Variants in FHIT observed in about 807,000 individuals in gnomAD.
FHIT encodes bis(5'-adenosyl)-triphosphatase.
Under a neutral mutation model 17.9 loss-of-function variants are expected in FHIT, and 19 were observed. The ratio of observed to expected loss-of-function variants is 1.06; its 90% CI spans 0.74 to 1.56. FHIT has a LOEUF of 1.56. FHIT is among the 40% of genes most tolerant of loss of function. The pLI, the probability that FHIT is intolerant of heterozygous loss-of-function variation, is 0.00. For synonymous variants in FHIT, 81 were observed against 69.7 expected (o/e 1.16, Z -0.81); for missense variants, 248 against 189.2 (o/e 1.31, Z -1.82).
At chr3:61,097,441 A>C (rs934537157) in intron 2 of FHIT, among the ~76,000 whole-genome samples, 3 of 152,210 alleles carry the variant, frequency 2.0e-5, no homozygotes, top group Non-Finnish European at 2.9e-5. Context: ...AGAATGATTT[A>C]TATTCCTTTG....
At chr3:60,970,076 G>A (rs368574177) in intron 3 of FHIT, among the ~76,000 whole-genome samples, 10 of 151,984 alleles carry the variant, frequency 6.6e-5, no homozygotes, top group African/African-American at 1.2e-4. Context: ...TGCCTGCCTC[G>A]GCCTCCCAAA....
rs146016003 is a variant in FHIT, at chr3:59,949,883, A to T, written c.280-27469T>A. Among the ~76,000 whole-genome samples, 12 of 152,354 alleles carry T rather than the reference A, an allele frequency of 7.9e-5. No individual in the cohort carries two copies. The East Asian group carries it at 2.3e-3, about 29-fold the overall frequency. Reference sequence around the variant, plus strand: ...CAGGGTATGACTTTGCATTAAACAAACAGCTATCCTCCTTACAAATCACAA... The same window carrying T: ...CAGGGTATGACTTTGCATTAAACAATCAGCTATCCTCCTTACAAATCACAA... On this transcript the variant is annotated intron_variant, in intron 7 of 9. Transcript: ENST00000492590.
At chr3:60,186,268 T>A (rs1435634418) in intron 5 of FHIT, among the ~76,000 whole-genome samples, 1 of 152,160 alleles carries the variant, frequency 6.6e-6, no homozygotes, top group Non-Finnish European at 1.5e-5. Flanking sequence ...ATTTCACATT[T>A]AGGTCTATTA....
chr3:60,854,555 A>ATTTTTTTTTTTT (rs35428632), intron 3 of FHIT, among the ~76,000 whole-genome samples: 1 of 138,510 alleles, frequency 7.2e-6, no homozygotes, highest in Non-Finnish European at 1.5e-5. Context: ...GCCTACTTCT[A>ATTTTTTTTTTTT]TTTTTTTTTT....
At chr3:60,291,403 C>A (rs763898924) in intron 5 of FHIT, among the ~76,000 whole-genome samples, 2 of 151,946 alleles carry the variant, frequency 1.3e-5, no homozygotes, top group Non-Finnish European at 2.9e-5. Context: ...CTGTCACGTC[C>A]TCTATCTGAG....
At chr3:60,278,042 C>A (rs562299764) in intron 5 of FHIT, among the ~76,000 whole-genome samples, 1 of 152,094 alleles carries the variant, frequency 6.6e-6, no homozygotes. Context: ...ATCATAAGAT[C>A]AGATTACCTA....
intron 5 of FHIT, among the ~76,000 whole-genome samples, chr3:60,352,015 C>T (rs982161960): frequency 1.3e-5 from 2 of 152,180 alleles, no homozygotes; most frequent in South Asian, 4.1e-4. Flanking sequence ...TCGTAATTAG[C>T]TCTTCCGGTG....
chr3:59,896,928 A>G (rs1447419299), intron 8 of FHIT, among the ~76,000 whole-genome samples: 1 of 152,158 alleles, frequency 6.6e-6, no homozygotes, highest in Non-Finnish European at 1.5e-5. Context: ...GAAGCCAGAA[A>G]CATGTTAGCA....
chr3:60,175,480 A>G (rs1174844773), intron 5 of FHIT, among the ~76,000 whole-genome samples: 1 of 152,180 alleles, frequency 6.6e-6, no homozygotes, highest in African/African-American at 2.4e-5. Context: ...GACAAAAGAT[A>G]TAGGGTAGGA....
At chr3:60,362,610 A>G (rs1182170821) in intron 5 of FHIT, among the ~76,000 whole-genome samples, 1 of 152,242 alleles carries the variant, frequency 6.6e-6, no homozygotes, top group Non-Finnish European at 1.5e-5. Flanking sequence ...CATGAGAAAC[A>G]TGAGATACAT....
At chr3:60,233,265 G>T (rs1184063525) in intron 5 of FHIT, among the ~76,000 whole-genome samples, 1 of 152,114 alleles carries the variant, frequency 6.6e-6, no homozygotes, top group Non-Finnish European at 1.5e-5. Flanking sequence ...TGATCTGACT[G>T]ATGCCTGGCA....
At chr3:61,043,925 T>C (rs1024669645) in intron 2 of FHIT, among the ~76,000 whole-genome samples, 2 of 152,042 alleles carry the variant, frequency 1.3e-5, no homozygotes, top group Admixed American at 1.3e-4. Flanking sequence ...TCCTAACTGT[T>C]GGAAGGAAAA....
At chr3:59,769,488 T>A (rs1200797833) in intron 8 of FHIT, among the ~76,000 whole-genome samples, 1 of 152,208 alleles carries the variant, frequency 6.6e-6, no homozygotes, top group African/African-American at 2.4e-5. Context: ...CTTAATTATG[T>A]ATGTGCACAG....
intron 4 of FHIT, among the ~76,000 whole-genome samples, chr3:60,574,108 T>G (rs1249810891): frequency 6.6e-6 from 1 of 152,036 alleles, no homozygotes; most frequent in Non-Finnish European, 1.5e-5. Flanking sequence ...CCACGTCTGG[T>G]TAGTATTATG....
chr3:59,768,406 A>G (rs1427010865), intron 8 of FHIT, among the ~76,000 whole-genome samples: 1 of 152,150 alleles, frequency 6.6e-6, no homozygotes, highest in Non-Finnish European at 1.5e-5. Flanking sequence ...ACTGCCTTGT[A>G]TCTCACTACC....
intron 5 of FHIT, among the ~76,000 whole-genome samples, chr3:60,193,094 T>C (rs1167655588): frequency 6.6e-6 from 1 of 152,198 alleles, no homozygotes; most frequent in Admixed American, 6.5e-5. Context: ...TTTCTCAAAA[T>C]TTAAAATCCT....
chr3:60,116,611 A>C (rs1170456472), intron 5 of FHIT, among the ~76,000 whole-genome samples: 1 of 152,182 alleles, frequency 6.6e-6, no homozygotes, highest in African/African-American at 2.4e-5. Context: ...AAAGCTCAAG[A>C]ATGAACTCTT....
At chr3:60,972,528 T>A (rs1459591606) in intron 3 of FHIT, among the ~76,000 whole-genome samples, 2 of 152,014 alleles carry the variant, frequency 1.3e-5, no homozygotes, top group African/African-American at 4.8e-5. Context: ...TAAGCAGTTT[T>A]ACTACAATAT....
intron 8 of FHIT, among the ~76,000 whole-genome samples, chr3:59,871,372 A>G (rs980805557): frequency 2.6e-5 from 4 of 152,122 alleles, no homozygotes; most frequent in African/African-American, 4.8e-5. Flanking sequence ...TAAGAATCTC[A>G]ACAATTTTCA....
Sources: gnomAD v4.1 joint callset for allele counts (sites outside exome capture counted in the v4.1 genomes callset) on GRCh38, gnomAD v4.1.1 for gene constraint, MANE v1.5 for transcripts, NCBI Gene and HGNC (gene_info 2026-07-23, HGNC 2026-07-21) for gene names.